The following IQCM variants were observed in gnomAD, a reference collection of about 807,000 sequenced individuals.
IQCM encodes the protein IQ domain-containing protein M.
A neutral mutation model predicts 57.6 loss-of-function variants in IQCM; 45 were observed. The ratio of observed to expected loss-of-function variants is 0.78; its 90% confidence interval spans 0.62 to 1.00. The LOEUF is 1.00. Ranked by LOEUF, IQCM falls within the 50% of genes least tolerant of loss-of-function variation. The pLI is 0.00. For missense variants in IQCM, 468 were observed against 511.6 expected (o/e 0.91, Z 0.82); for synonymous variants, 148 against 158.9 (o/e 0.93, Z 0.51).
chr4:149,451,340 CAGAT>C (rs1737099440), intron 12 of IQCM, among the ~76,000 whole-genome samples: 1 of 151,666 alleles, frequency 6.6e-6, no homozygotes, highest in African/African-American at 2.4e-5. Flanking sequence ...AGTGTATAAT[CAGAT>C]AGTTTGTAAC....
chr4:149,480,800 T>C (rs115179168), intron 12 of IQCM, among the ~76,000 whole-genome samples: 3,368 of 152,292 alleles, frequency 0.022, 78 homozygotes, highest in African/African-American at 0.055. Context: ...CTGGATCCTA[T>C]AGTAACTCTA....
chr4:149,669,590 T>G (rs1242830256), intron 7 of IQCM, among the ~76,000 whole-genome samples: 1 of 152,208 alleles, frequency 6.6e-6, no homozygotes, highest in Non-Finnish European at 1.5e-5. Flanking sequence ...GGTTTTCTTC[T>G]AGGGTTTTTA....
chr4:149,380,244 G>C (rs71596211), intron 13 of IQCM, among the ~76,000 whole-genome samples: 1 of 151,974 alleles, frequency 6.6e-6, no homozygotes, highest in Admixed American at 6.6e-5. Flanking sequence ...GTGTGTGTGT[G>C]AAAAGATTAT....
chr4:149,685,769 G>C (rs1383499328), intron 6 of IQCM, among the ~76,000 whole-genome samples: 1 of 151,512 alleles, frequency 6.6e-6, no homozygotes, highest in Non-Finnish European at 1.5e-5. Flanking sequence ...AATATGTGCT[G>C]AAGGGCTTAG....
intron 13 of IQCM, among the ~76,000 whole-genome samples, chr4:149,404,797 T>C (rs1450276315): frequency 6.6e-6 from 1 of 152,188 alleles, no homozygotes; most frequent in East Asian, 1.9e-4. Context: ...TATAAGGCTT[T>C]TTATAGCAAA....
intron 5 of IQCM, chr4:149,691,011 G>A (rs1762906058): frequency 6.6e-6 from 1 of 152,014 alleles, no homozygotes; most frequent in Admixed American, 6.6e-5. Context: ...AAGCTCAGAG[G>A]ACACACTTTA....
At chr4:149,627,244 C>T (rs1336087857) in intron 7 of IQCM, among the ~76,000 whole-genome samples, 2 of 152,224 alleles carry the variant, frequency 1.3e-5, no homozygotes, top group Admixed American at 1.3e-4. Context: ...AAGTCTCCAC[C>T]TCAGCAGAGC....
chr4:149,433,424 T>C lies in IQCM; in HGVS notation c.1362A>G (p.Val454=). 5.7e-6 allele frequency: 7 copies of C among 1,225,762 alleles called. No homozygotes were observed. The highest frequency in any genetic ancestry group is 7.1e-6 in the Non-Finnish European group (7 of 982,496). 75.9% of individuals were successfully genotyped at this position (1,225,762 alleles called of 1,614,324 possible). A position where few individuals can be genotyped will look rare whatever the true frequency, so the allele number is the denominator to read the frequency against. ...TATATCTATAACCTTCTTCCCCATT[T>C]ACTATGGGTCTCAACCAAGTCGACT... ...LLKSTWLRPI[V]NGEEGYRYIV... The change falls in exon 13 of 14, where the codon GTA becomes GTG. Residue 454 remains valine (V), a synonymous_variant. Coordinates refer to ENST00000636793, the MANE Select transcript of IQCM (RefSeq NM_001363507.2).
At chr4:149,550,219 T>A (rs547565010) in intron 11 of IQCM, among the ~76,000 whole-genome samples, 2 of 152,314 alleles carry the variant, frequency 1.3e-5, no homozygotes, top group East Asian at 3.9e-4. Context: ...TACACTGTTT[T>A]TTCTCAGTTC....
chr4:149,411,289 C>T (rs1383662799), intron 13 of IQCM, among the ~76,000 whole-genome samples: 1 of 152,042 alleles, frequency 6.6e-6, no homozygotes, highest in Non-Finnish European at 1.5e-5. Context: ...TTGTTCATTA[C>T]AGTTCTGTTG....
chr4:149,358,997 A>C (rs1285566480), intron 13 of IQCM, among the ~76,000 whole-genome samples: 15 of 147,634 alleles, frequency 1.0e-4, no homozygotes, highest in Non-Finnish European at 1.0e-4. Context: ...GTAAAAAGAA[A>C]GAAAAAATGA....
chr4:149,470,836 A>G, intron 12 of IQCM, among the ~76,000 whole-genome samples: 1 of 152,222 alleles, frequency 6.6e-6, no homozygotes, highest in Non-Finnish European at 1.5e-5. Context: ...ACTCAATTAC[A>G]TGGAAACTGA....
intron 6 of IQCM, 76 bp from the exon 7 acceptor site, chr4:149,682,282 T>C (rs781531283): frequency 1.8e-6 from 1 of 541,662 alleles, no homozygotes; most frequent in Non-Finnish European, 2.8e-6. Context: ...ACTAAAGTTA[T>C]GGACTAAATG....
At chr4:149,760,054 G>A (rs1769357854) in intron 2 of IQCM, among the ~76,000 whole-genome samples, 1 of 151,894 alleles carries the variant, frequency 6.6e-6, no homozygotes, top group Admixed American at 6.6e-5. Flanking sequence ...GGGAGGGACG[G>A]AGGAATATTA....
At chr4:149,619,106 GGAT>G in intron 8 of IQCM, among the ~76,000 whole-genome samples, 1 of 60,780 alleles carries the variant, frequency 1.6e-5, no homozygotes, top group South Asian at 7.9e-4. Context: ...AATGTGGGAT[GGAT>G]ATATATATAT....
intron 12 of IQCM, among the ~76,000 whole-genome samples, chr4:149,491,571 T>C (rs188477837): frequency 6.6e-6 from 1 of 152,242 alleles, no homozygotes; most frequent in African/African-American, 2.4e-5. Flanking sequence ...CATCTATGTT[T>C]TTTGCAAATG....
intron 3 of IQCM, among the ~76,000 whole-genome samples, chr4:149,741,347 C>T (rs1329137268): frequency 6.6e-6 from 1 of 152,002 alleles, no homozygotes; most frequent in African/African-American, 2.4e-5. Context: ...AGGGTACTGC[C>T]CAAAAATCTT....
At chr4:149,611,611 C>A (rs951674407) in intron 8 of IQCM, among the ~76,000 whole-genome samples, 4 of 152,118 alleles carry the variant, frequency 2.6e-5, no homozygotes, top group Admixed American at 2.0e-4. Flanking sequence ...CGTTCTCACT[C>A]ACATATGGGA....
At chr4:149,776,317 C>T (rs1314955710) in intron 2 of IQCM, among the ~76,000 whole-genome samples, 1 of 151,960 alleles carries the variant, frequency 6.6e-6, no homozygotes, top group African/African-American at 2.4e-5. Context: ...ATCAATAACA[C>T]AATACTATCC....
Sources: allele counts gnomAD v4.1 joint callset (sites outside exome capture counted in the v4.1 genomes callset), GRCh38; gene constraint gnomAD v4.1.1; transcripts MANE v1.5; gene names NCBI Gene and HGNC (gene_info 2026-07-23, HGNC 2026-07-21).